Variants in GGTLC1 observed in about 807,000 individuals in gnomAD.
The protein encoded by GGTLC1 is glutathione hydrolase light chain 1.
GGTLC1 carries 14 observed loss-of-function variants against 19.5 expected under a neutral mutation model. The ratio of observed to expected loss-of-function variants is 0.72; its 90% confidence interval spans 0.47 to 1.12. The LOEUF is 1.12. Among genes scored for constraint, GGTLC1 ranks in the 50% most tolerant of loss-of-function variants. GGTLC1 has a pLI of 0.00. For missense variants in GGTLC1, 304 were observed against 309.2 expected (o/e 0.98, Z 0.13); for synonymous variants, 110 against 124.2 (o/e 0.89, Z 0.76).
At chr20:23,986,768 G>T in intron 1 of GGTLC1, 123 bp from the exon 2 acceptor site, 1 of 1,434,340 alleles carries the variant, frequency 7.0e-7, no homozygotes, top group Non-Finnish European at 9.4e-7. Flanking sequence ...CCAAGGGCAG[G>T]CCCAGGACCT....
In GGTLC1 at chr20:23,986,059, G is replaced by C. The variant is rs375863293; in HGVS notation, c.304+17C>G. On this transcript the variant is annotated intron_variant, in intron 3 of 5. Transcript: ENST00000335694. The stretch of plus-strand genomic sequence containing the variant: ...CTCTCCACCCCAGTCCCCCACCCTC[G>C]GACCTCCACCCCATACCTGGCTGGA... 43 of 1,370,286 alleles carry C rather than the reference G, an allele frequency of 3.1e-5. No individual in the cohort carries two copies. The highest frequency in any genetic ancestry group is 8.5e-5 in the African/African-American group (4 of 47,056). The allele number at this position is 1,370,286 out of a possible 1,614,324, so 84.9% of individuals were successfully genotyped here. A position where few individuals can be genotyped will look rare whatever the true frequency, so the allele number is the denominator to read the frequency against.
In GGTLC1 at chr20:23,985,705, G is replaced by T; in HGVS notation, c.493C>A (p.Leu165Met). The T allele has an allele frequency of 6.2e-7, 1 of 1,612,066 alleles. No homozygotes were observed. The highest frequency in any genetic ancestry group is 8.5e-7 in the Non-Finnish European group (1 of 1,179,870). ...CTCTCCACTGTCGTGACGTTGGGCA[G>T]AAGCTGGTTGTGCAGCCGGGGCTCC... ...VEEPRLHNQL[L>M]PNVTTVERNI... The change falls in exon 5 of 6, where the codon CTG (leucine) becomes ATG (methionine). Residue 165 changes from leucine (L) to methionine (M), a missense_variant. By Grantham distance (15) the Leu-to-Met change is conservative. Transcript: ENST00000335694.
chr20:23,985,849 G>A lies in GGTLC1; in HGVS notation c.417+13C>T. Reference sequence around the variant, plus strand: ...GGGTGGGCACGGCCAGGGAGAAAAGGTGTGACACATACCAGTGCAGTGGCC... The same window carrying A: ...GGGTGGGCACGGCCAGGGAGAAAAGATGTGACACATACCAGTGCAGTGGCC... On this transcript the variant is annotated intron_variant, in intron 4 of 5. Transcript: ENST00000335694. 1.2e-6 allele frequency: 2 copies of A among 1,612,048 alleles called. No individual in the cohort carries two copies. The highest frequency in any genetic ancestry group is 1.7e-6 in the Non-Finnish European group (2 of 1,179,858).
chr20:23,985,240 T>G lies in GGTLC1; in HGVS notation c.654A>C (p.Lys218Asn). 1.2e-6 allele frequency: 2 copies of G among 1,612,028 alleles called. No homozygotes were observed. The highest frequency in any genetic ancestry group is 1.7e-6 in the Non-Finnish European group (2 of 1,179,868). ...GGWAAASDSR[K>N]GGEPAGY ...ATCAGTAGCCAGCAGGTTCCCCACC[T>G]TTCCTGGAGTCCGAGGCAGCTGCCC... The change falls in exon 6 of 6, where the codon AAA (lysine) becomes AAC (asparagine). Residue 218 changes from lysine (K) to asparagine (N), a missense_variant. Coordinates refer to ENST00000335694, the MANE Select transcript of GGTLC1 (RefSeq NM_178311.3).
In GGTLC1 at chr20:23,985,712, G is replaced by A. The variant is rs1175826267; in HGVS notation, c.486C>T (p.Asn162=). The A allele has an allele frequency of 6.2e-7, 1 of 1,611,944 alleles. No individual in the cohort carries two copies. Among genetic ancestry groups the A allele is most frequent in the Non-Finnish European group, 8.5e-7 (1 of 1,179,882 alleles). ...CTGTCGTGACGTTGGGCAGAAGCTG[G>A]TTGTGCAGCCGGGGCTCCTCCACGG... ...KWAVEEPRLH[N]QLLPNVTTVE... Residue 162 remains asparagine (N), a synonymous_variant, in exon 5 of 6, where the codon AAC becomes AAT. Coordinates refer to ENST00000335694, the MANE Select transcript of GGTLC1 (RefSeq NM_178311.3).
rs767412727 is a variant in GGTLC1, at chr20:23,985,889, G to A, written c.390C>T (p.Gly130=). The change falls in exon 4 of 6, where the codon GGC becomes GGT. Residue 130 remains glycine (G), a synonymous_variant. Transcript: ENST00000335694. ...GTGCAGTGGCCATGGTGATCTGCGT[G>A]CCCCCGGCAGCTCCCACCACCATCC... ...QVRMVVGAAG[G]TQITMATALA... is the part of the protein sequence containing the mutation. The A allele has an allele frequency of 6.2e-7, 1 of 1,611,898 alleles. No homozygotes were observed. The highest frequency in any genetic ancestry group is 1.3e-5 in the African/African-American group (1 of 74,854).
At chr20:23,987,944 G>T (rs952824544) in intron 1 of GGTLC1, among the ~76,000 whole-genome samples, 1 of 136,304 alleles carries the variant, frequency 7.3e-6, no homozygotes, top group South Asian at 2.6e-4. Flanking sequence ...AACTCCAGAG[G>T]CTGAGGCAGG....
At chr20:23,987,993 C>T (rs1988037474) in intron 1 of GGTLC1, among the ~76,000 whole-genome samples, 1 of 119,306 alleles carries the variant, frequency 8.4e-6, no homozygotes, top group Non-Finnish European at 1.7e-5. Context: ...TTGCGGTGAG[C>T]CGAGATCAGG....
chr20:23,985,170 G>A lies in GGTLC1; in HGVS notation c.*46C>T, dbSNP rs751135664. ...AAAGTCCTCTTCCTCGTCCTGGTGA[G>A]TATTTTGTTCCTGGATTGCTTGTCA... On this transcript the variant is annotated 3_prime_UTR_variant, in exon 6 of 6. Transcript: ENST00000335694. The A allele has an allele frequency of 1.2e-6, 2 of 1,611,758 alleles. No homozygotes were observed. The highest frequency in any genetic ancestry group is 1.1e-5 in the South Asian group (1 of 90,936).
In GGTLC1 at chr20:23,985,399, T is replaced by C. The variant is rs1352076243; in HGVS notation, c.532-37A>G. ...AGGAGAGGGGAAGCCTGAGCAGGGC[T>C]CCAGATGCCACCTGAACCACACCTG... On this transcript the variant is annotated intron_variant, in intron 5 of 5. Transcript: ENST00000335694. 3.7e-6 allele frequency: 6 copies of C among 1,611,216 alleles called. No individual in the cohort carries two copies. In the Admixed American group the frequency reaches 6.7e-5, roughly 18 times the overall value.
rs1467760252 is a variant in GGTLC1, at chr20:23,985,284, C to T, written c.610G>A (p.Val204Ile). Residue 204 changes from valine to isoleucine, a missense_variant, in exon 6 of 6, where the codon GTC becomes ATC. Coordinates refer to ENST00000335694, the MANE Select transcript of GGTLC1 (RefSeq NM_178311.3). ...STFIAVVQAI[V>I]RMAGGWAAAS... ...GCTGCCCAGCCACCAGCCATGCGGA[C>T]GATGGCTTGCACCACAGCAATGAAG... 14 of 1,612,034 alleles carry T rather than the reference C, an allele frequency of 8.7e-6. No homozygotes were observed. Among genetic ancestry groups the T allele is most frequent in the Middle Eastern group, 2.3e-4 (1 of 4,430 alleles).
At position 23,988,661 on chromosome 20, in the gene GGTLC1, T is replaced by G. The variant is rs1351947963; in HGVS notation, c.-87A>C. 8 of 437,550 alleles carry G rather than the reference T, an allele frequency of 1.8e-5. No homozygotes were observed. Among genetic ancestry groups the G allele is most frequent in the Non-Finnish European group, 2.6e-5 (8 of 311,942 alleles). The allele number at this position is 437,550 out of a possible 1,614,324, so 27.1% of individuals were successfully genotyped here. A position where few individuals can be genotyped will look rare whatever the true frequency, so the allele number is the denominator to read the frequency against. ...TCACTCTGTCACCGGCGCCATTAAGTGCTCACGCGCCCACTCCCTCAGGTT... is the reference window on the plus strand; with the variant it reads ...TCACTCTGTCACCGGCGCCATTAAGGGCTCACGCGCCCACTCCCTCAGGTT... On this transcript the variant is annotated 5_prime_UTR_variant, in exon 1 of 6. Coordinates refer to ENST00000335694, the MANE Select transcript of GGTLC1 (RefSeq NM_178311.3).
chr20:23,987,884 C>T (rs1479495298), intron 1 of GGTLC1, among the ~76,000 whole-genome samples: 5 of 146,146 alleles, frequency 3.4e-5, no homozygotes, highest in Non-Finnish European at 4.5e-5. Flanking sequence ...CCCGTCTCTA[C>T]TAAAAATACA....
chr20:23,986,629 G>A lies in GGTLC1; in HGVS notation c.-18C>T, dbSNP rs545033230. 5 of 1,328,798 alleles carry A rather than the reference G, an allele frequency of 3.8e-6. No homozygotes were observed. Among genetic ancestry groups the A allele is most frequent in the South Asian group, 2.3e-5 (2 of 86,792 alleles). 82.3% of individuals were successfully genotyped at this position (1,328,798 alleles called of 1,614,324 possible). ...GAGGTCATGTCGCGGACCACCTGCC[G>A]AGACCCCAGAGCTGGCCTAGGGAGG... On this transcript the variant is annotated 5_prime_UTR_variant, in exon 2 of 6. Transcript: ENST00000335694.
chr20:23,986,776 C>A, intron 1 of GGTLC1, 131 bp from the exon 2 acceptor site: 3 of 1,418,174 alleles, frequency 2.1e-6, no homozygotes, highest in Non-Finnish European at 2.8e-6. Context: ...AGGCCCAGGA[C>A]CTTGCATGAC....
chr20:23,986,495 G>C lies in GGTLC1; in HGVS notation c.117C>G (p.His39Gln). ...TGCCGTCCTCTGCGACCACAGACAG[G>C]TGAGCAGTGCCCCCGTCATCCGGCA... ...FYMPDDGGTA[H>Q]LSVVAEDGSA... is the part of the protein sequence containing the mutation. The change falls in exon 2 of 6, where the codon CAC (histidine) becomes CAG (glutamine). Residue 39 changes from histidine (H) to glutamine (Q), a missense_variant. Transcript: ENST00000335694. 6.2e-7 allele frequency: 1 copy of C among 1,611,996 alleles called. No individual in the cohort carries two copies. Among genetic ancestry groups the C allele is most frequent in the Non-Finnish European group, 8.5e-7 (1 of 1,179,858 alleles).
At chr20:23,985,418 A>G in intron 5 of GGTLC1, 56 bp from the exon 6 acceptor site, 1 of 1,611,124 alleles carries the variant, frequency 6.2e-7, no homozygotes, top group South Asian at 1.1e-5. Flanking sequence ...CACCTGAACC[A>G]CACCTGTGTG....
rs1987922760 is a variant in GGTLC1, at chr20:23,986,466, G to C, written c.146C>G (p.Ala49Gly). ...HLSVVAEDGS[A>G]VSATSTINLY... ...GTTGATGGTGCTGGTGGCGGACACA[G>C]CACTGCCGTCCTCTGCGACCACAGA... is the stretch of plus-strand genomic sequence containing the variant. Residue 49 changes from alanine to glycine, a missense_variant, in exon 2 of 6, where the codon GCT (alanine) becomes GGT (glycine). Ala to Gly is a moderately conservative substitution (Grantham distance 60). Coordinates refer to ENST00000335694, the MANE Select transcript of GGTLC1 (RefSeq NM_178311.3). 6.2e-7 allele frequency: 1 copy of C among 1,611,776 alleles called. No homozygotes were observed. The highest frequency in any genetic ancestry group is 1.7e-5 in the Admixed American group (1 of 60,000).
In GGTLC1 at chr20:23,985,165, GGTGA is replaced by G. The variant is rs1257831666; in HGVS notation, c.*47_*50del. Reference sequence around the variant, plus strand: ...CCCCCAAAGTCCTCTTCCTCGTCCTGGTGAGTATTTTGTTCCTGGATTGCTTGTC... The same window carrying G: ...CCCCCAAAGTCCTCTTCCTCGTCCTGGTATTTTGTTCCTGGATTGCTTGTC... On this transcript the variant is annotated 3_prime_UTR_variant, in exon 6 of 6. Transcript: ENST00000335694. 1.2e-6 allele frequency: 2 copies of G among 1,611,356 alleles called. No individual in the cohort carries two copies. The highest frequency in any genetic ancestry group is 3.3e-5 in the Admixed American group (2 of 59,958).
Sources: allele counts gnomAD v4.1 joint callset (sites outside exome capture counted in the v4.1 genomes callset), GRCh38; gene constraint gnomAD v4.1.1; transcripts MANE v1.5; gene names NCBI Gene and HGNC (gene_info 2026-07-23, HGNC 2026-07-21).